Variants in ANKRD33B observed in about 807,000 individuals in gnomAD.
ANKRD33B encodes the protein ankyrin repeat domain-containing protein 33B.
ANKRD33B carries 6 observed loss-of-function variants against 21.5 expected under a neutral mutation model. The ratio of observed to expected loss-of-function variants is 0.28; its 90% confidence interval spans 0.15 to 0.55. The LOEUF (loss-of-function observed/expected upper bound fraction) is 0.55, where lower values mean the gene tolerates loss of function less well. Among genes scored for constraint, ANKRD33B ranks in the 20% least tolerant of loss-of-function variants. The probability of loss-of-function intolerance (pLI) is 0.94; values close to 1 mark genes in which losing one functional copy is unlikely to be tolerated. For synonymous variants in ANKRD33B, 347 were observed against 342.4 expected, an observed-to-expected ratio of 1.01 and a Z score of -0.15; for missense variants, 698 against 747.2, an observed-to-expected ratio of 0.93 and a Z score of 0.77.
chr5:10,613,463 A>AT (rs777668096), intron 1 of ANKRD33B, among the ~76,000 whole-genome samples: 78 of 150,656 alleles, frequency 5.2e-4, no homozygotes, highest in Non-Finnish European at 9.3e-4. Context: ...TTTTTTTTGT[A>AT]TTTTTTTTAG....
At chr5:10,649,197 A>G in intron 3 of ANKRD33B, 69 bp from the exon 4 acceptor site, 2 of 1,460,798 alleles carry the variant, frequency 1.4e-6, no homozygotes, top group Non-Finnish European at 1.8e-6. Context: ...CCTTTGCCCC[A>G]GGCTCTGCCT....
intron 1 of ANKRD33B, among the ~76,000 whole-genome samples, chr5:10,567,957 G>A (rs1735096432): frequency 6.6e-6 from 1 of 152,216 alleles, no homozygotes; most frequent in Non-Finnish European, 1.5e-5. Context: ...ATCTCTAAAG[G>A]CGTCTAAACT....
intron 3 of ANKRD33B, among the ~76,000 whole-genome samples, chr5:10,642,070 G>T (rs986207526): frequency 7.2e-5 from 11 of 152,176 alleles, no homozygotes; most frequent in African/African-American, 2.4e-4. Context: ...GAACATTTAT[G>T]ATGTCAGTCA....
intron 3 of ANKRD33B, among the ~76,000 whole-genome samples, chr5:10,645,314 G>A (rs1737167913): frequency 6.6e-6 from 1 of 152,182 alleles, no homozygotes; most frequent in Non-Finnish European, 1.5e-5. Flanking sequence ...TAACATGGGG[G>A]TGGGTGGGGG....
chr5:10,568,024 G>A (rs73741398), intron 1 of ANKRD33B, among the ~76,000 whole-genome samples: 298 of 152,310 alleles, frequency 2.0e-3, no homozygotes, highest in African/African-American at 6.6e-3. Flanking sequence ...AGGGAGCTTT[G>A]CCTGAGCTGA....
chr5:10,577,223 G>A (rs62339267), intron 1 of ANKRD33B, among the ~76,000 whole-genome samples: 12,894 of 151,828 alleles, frequency 0.085, 621 homozygotes, highest in Non-Finnish European at 0.11. Flanking sequence ...TTTGCCTCCC[G>A]GGCTCAAGCA....
rs910454313 is a variant in ANKRD33B, at chr5:10,651,912, C to A, written c.*1799C>A. The A allele has an allele frequency of 1.3e-5, 2 of 152,402 alleles. No homozygotes were observed. The highest frequency in any genetic ancestry group is 2.9e-5 in the Non-Finnish European group (2 of 68,090). 9.4% of individuals were successfully genotyped at this position (152,402 alleles called of 1,614,324 possible). A position where few individuals can be genotyped will look rare whatever the true frequency, so the allele number is the denominator to read the frequency against. ...GTTTAAGATGAGATTGCAGTGAGTT[C>A]CTCCTTAATCCCAGAAGGGCACCAT... On this transcript the variant is annotated 3_prime_UTR_variant, in exon 4 of 4. Coordinates refer to ENST00000296657, the MANE Select transcript of ANKRD33B (RefSeq NM_001164440.2).
At chr5:10,617,433 A>G (rs1007492840) in intron 1 of ANKRD33B, among the ~76,000 whole-genome samples, 8 of 151,824 alleles carry the variant, frequency 5.3e-5, no homozygotes, top group Non-Finnish European at 4.4e-5. Context: ...GTCATCCTGG[A>G]CTCTTTTTCT....
At chr5:10,572,375 T>C (rs1735217044) in intron 1 of ANKRD33B, among the ~76,000 whole-genome samples, 1 of 152,110 alleles carries the variant, frequency 6.6e-6, no homozygotes, top group Non-Finnish European at 1.5e-5. Flanking sequence ...AGTCAGGGCC[T>C]ACTTTTCAAC....
intron 1 of ANKRD33B, among the ~76,000 whole-genome samples, chr5:10,567,568 CTGGT>C (rs1735089268): frequency 6.6e-6 from 1 of 152,218 alleles, no homozygotes; most frequent in Non-Finnish European, 1.5e-5. Flanking sequence ...CTGCAGGCTC[CTGGT>C]TTAAGGGCAC....
intron 2 of ANKRD33B, among the ~76,000 whole-genome samples, chr5:10,637,388 C>G (rs1366308533): frequency 7.2e-6 from 1 of 138,664 alleles, no homozygotes; most frequent in Non-Finnish European, 1.5e-5. Context: ...GCCTTGCCTG[C>G]GACACTCTGT....
At chr5:10,585,696 A>G (rs1345226876) in intron 1 of ANKRD33B, among the ~76,000 whole-genome samples, 2 of 152,184 alleles carry the variant, frequency 1.3e-5, no homozygotes, top group African/African-American at 2.4e-5. Flanking sequence ...ATGAAAGACA[A>G]TGCCCGGGCC....
intron 3 of ANKRD33B, among the ~76,000 whole-genome samples, chr5:10,644,056 A>C (rs1352002773): frequency 6.6e-6 from 1 of 152,062 alleles, no homozygotes; most frequent in Non-Finnish European, 1.5e-5. Flanking sequence ...AGTGGAGAGC[A>C]ATAAGGACAG....
intron 2 of ANKRD33B, among the ~76,000 whole-genome samples, chr5:10,625,877 G>A (rs971798527): frequency 1.1e-4 from 17 of 152,194 alleles, no homozygotes; most frequent in Non-Finnish European, 2.5e-4. Flanking sequence ...AGCATGTTGA[G>A]TGACAGGTGG....
chr5:10,587,623 A>G (rs1735594409), intron 1 of ANKRD33B, among the ~76,000 whole-genome samples: 1 of 150,976 alleles, frequency 6.6e-6, no homozygotes, highest in Non-Finnish European at 1.5e-5. Context: ...AGTCACCTGT[A>G]TTCCCAGTAC....
chr5:10,643,261 G>A (rs1039054087), intron 3 of ANKRD33B, among the ~76,000 whole-genome samples: 2 of 151,848 alleles, frequency 1.3e-5, no homozygotes, highest in African/African-American at 4.8e-5. Flanking sequence ...TTTGTTGTGG[G>A]GGCTGTCTTT....
At chr5:10,568,101 C>T (rs2126541879) in intron 1 of ANKRD33B, among the ~76,000 whole-genome samples, 1 of 152,330 alleles carries the variant, frequency 6.6e-6, no homozygotes, top group South Asian at 2.1e-4. Context: ...TGCATTCTCT[C>T]CTGCCTCCTG....
At chr5:10,633,302 A>G (rs1045522994) in intron 2 of ANKRD33B, among the ~76,000 whole-genome samples, 1 of 151,934 alleles carries the variant, frequency 6.6e-6, no homozygotes, top group Non-Finnish European at 1.5e-5. Flanking sequence ...GGGTTTCACC[A>G]TGTTGGCCAG....
rs1462012208 is a variant in ANKRD33B at position 10,576,387 on chromosome 5, C to T, written c.366+11554C>T. ...CTTCTACCAAATGCAGGATCTCAGG[C>T]CCCTGAGAATCTGCATTTCAAGGTC... On this transcript the variant is annotated intron_variant, in intron 1 of 3. Coordinates refer to ENST00000296657, the MANE Select transcript of ANKRD33B (RefSeq NM_001164440.2). This position sits in a 1 kb window ranked among gnomAD's most constrained non-coding sequence, Gnocchi z 4.1. 6.6e-6 allele frequency among the ~76,000 whole-genome samples: 1 copy of T among 152,112 alleles called. No homozygotes were observed. The highest frequency in any genetic ancestry group is 1.5e-5 in the Non-Finnish European group (1 of 68,014).
Sources: allele counts gnomAD v4.1 joint callset (sites outside exome capture counted in the v4.1 genomes callset), GRCh38; gene constraint gnomAD v4.1.1; non-coding constraint Gnocchi (gnomAD v3.1); transcripts MANE v1.5; gene names NCBI Gene and HGNC (gene_info 2026-07-23, HGNC 2026-07-21).